The following GTF2IRD1 variants were observed in gnomAD, a reference collection of about 807,000 sequenced individuals.
GTF2IRD1 encodes the protein general transcription factor II-I repeat domain-containing protein 1.
In GTF2IRD1, 26 loss-of-function variants were observed where a neutral mutation model predicts 113.2. That is an observed-to-expected ratio of 0.23 (90% CI 0.17 to 0.32). GTF2IRD1 has a LOEUF of 0.32. Among genes scored for constraint, GTF2IRD1 ranks in the 10% least tolerant of loss-of-function variants. The pLI is 1.00. For synonymous variants in GTF2IRD1, 484 were observed against 529.1 expected (o/e 0.91, Z 1.17); for missense variants, 864 against 1,280.8 (o/e 0.67, Z 4.97).
chr7:74,500,226 G>A (rs560612318), intron 1 of GTF2IRD1, among the ~76,000 whole-genome samples: 6 of 152,220 alleles, frequency 3.9e-5, no homozygotes, highest in African/African-American at 1.2e-4. Context: ...TTCCCCTCCC[G>A]AGCCTTAGCC....
rs587647107 is a variant in GTF2IRD1, at chr7:74,576,558, A to G, written c.2321-13293A>G. Reference sequence around the variant, plus strand: ...CCTGGGCTACAAGAAAAAAAAAAAAAAAAGATGTCAGCAGGGCTGATCCTT... The same window carrying G: ...CCTGGGCTACAAGAAAAAAAAAAAAGAAAGATGTCAGCAGGGCTGATCCTT... On this transcript the variant is annotated intron_variant, in intron 22 of 26. Transcript: ENST00000424337. 2.3e-4 allele frequency among the ~76,000 whole-genome samples: 35 copies of G among 151,000 alleles called. No homozygotes were observed. The East Asian group carries it at 6.8e-3, about 29-fold the overall frequency.
chr7:74,598,864 G>T (rs1450160495), intron 25 of GTF2IRD1, among the ~76,000 whole-genome samples: 1 of 152,020 alleles, frequency 6.6e-6, no homozygotes, highest in African/African-American at 2.4e-5. Flanking sequence ...TCATAGCCTG[G>T]GCTCCTCCTG....
At chr7:74,463,934 G>C (rs1793552109) in intron 1 of GTF2IRD1, among the ~76,000 whole-genome samples, 1 of 152,000 alleles carries the variant, frequency 6.6e-6, no homozygotes, top group South Asian at 2.1e-4. Context: ...ATGTTGTCCA[G>C]GCTGGTTTCG....
intron 25 of GTF2IRD1, among the ~76,000 whole-genome samples, chr7:74,598,797 G>A (rs1365390686): frequency 6.6e-6 from 1 of 152,114 alleles, no homozygotes; most frequent in Non-Finnish European, 1.5e-5. Flanking sequence ...GAGACAGAGG[G>A]TGGGGCAGCC....
intron 16 of GTF2IRD1, among the ~76,000 whole-genome samples, chr7:74,546,767 C>T (rs1554353338): frequency 6.6e-6 from 1 of 152,100 alleles, no homozygotes; most frequent in African/African-American, 2.4e-5. Context: ...CTCGGGGAAG[C>T]AATGCCGAAT....
intron 1 of GTF2IRD1, chr7:74,507,809 C>CA (rs1796381550): frequency 2.5e-6 from 1 of 399,034 alleles, no homozygotes; most frequent in Non-Finnish European, 4.6e-6. Context: ...GCCTGTCCAA[C>CA]AGACTGGTCC....
rs1478828410 is a variant in GTF2IRD1 at position 74,602,537 on chromosome 7, A to G, written c.*104A>G. The G allele has an allele frequency of 3.9e-5, 35 of 902,196 alleles. No individual in the cohort carries two copies. In the East Asian group the frequency reaches 7.6e-4, roughly 20 times the overall value. The allele number at this position is 902,196 out of a possible 1,614,324, so 55.9% of individuals were successfully genotyped here. The stretch of plus-strand genomic sequence containing the variant: ...GTATCGATGCCTTTTAGTTTTTCCA[A>G]TGATTTTTACACTATATTCCTGCCA... On this transcript the variant is annotated 3_prime_UTR_variant, in exon 27 of 27. Coordinates refer to ENST00000424337, the MANE Select transcript of GTF2IRD1 (RefSeq NM_005685.4).
chr7:74,457,223 TGAG>T (rs1407730446), intron 1 of GTF2IRD1, among the ~76,000 whole-genome samples: 1 of 152,026 alleles, frequency 6.6e-6, no homozygotes, highest in Non-Finnish European at 1.5e-5. Context: ...CTCCTGGGCA[TGAG>T]GAGTCCTCCC....
chr7:74,461,390 A>G (rs1358742348), intron 1 of GTF2IRD1, among the ~76,000 whole-genome samples: 1 of 152,084 alleles, frequency 6.6e-6, no homozygotes, highest in Non-Finnish European at 1.5e-5. Flanking sequence ...GGGGTCTAGC[A>G]GGGTCTCAAG....
intron 1 of GTF2IRD1, among the ~76,000 whole-genome samples, chr7:74,458,911 G>C (rs113016546): frequency 0.01 from 1,400 of 138,184 alleles, 20 homozygotes; most frequent in African/African-American, 0.037. Context: ...GGCCCTCCTT[G>C]GCCTCCCAAA....
chr7:74,538,112 G>A (rs1798409326), intron 11 of GTF2IRD1, 24 bp from the exon 12 acceptor site: 1 of 1,611,476 alleles, frequency 6.2e-7, no homozygotes, highest in Non-Finnish European at 8.5e-7. Context: ...GCTGACAGGT[G>A]TCATTTCCTG....
chr7:74,502,715 TCTG>T (rs1796092931), intron 1 of GTF2IRD1, among the ~76,000 whole-genome samples: 3 of 152,276 alleles, frequency 2.0e-5, no homozygotes, highest in Admixed American at 6.5e-5. Context: ...GGCCGGCAAA[TCTG>T]CTGCTGTCTG....
At chr7:74,470,596 T>A (rs1794022884) in intron 1 of GTF2IRD1, among the ~76,000 whole-genome samples, 1 of 152,258 alleles carries the variant, frequency 6.6e-6, no homozygotes, top group Non-Finnish European at 1.5e-5. Flanking sequence ...ATAGTGGCTT[T>A]ATTCATAATT....
intron 1 of GTF2IRD1, among the ~76,000 whole-genome samples, chr7:74,489,673 A>T (rs1458347991): frequency 6.6e-6 from 1 of 152,124 alleles, no homozygotes; most frequent in Non-Finnish European, 1.5e-5. Flanking sequence ...GGGCAAGGAC[A>T]GCTCTCCTAG....
At chr7:74,600,875 G>T (rs983238605) in intron 25 of GTF2IRD1, 169 bp from the exon 26 acceptor site, 5 of 663,286 alleles carry the variant, frequency 7.5e-6, no homozygotes, top group African/African-American at 7.3e-5. Context: ...AAGGAGGCTG[G>T]ACATGTGGGC....
intron 1 of GTF2IRD1, among the ~76,000 whole-genome samples, chr7:74,480,625 G>T (rs950814851): frequency 1.3e-5 from 2 of 152,118 alleles, no homozygotes; most frequent in Non-Finnish European, 2.9e-5. Context: ...CAGGAGCCAG[G>T]CTCAGGCTTT....
rs1554356393 is a variant in GTF2IRD1, at chr7:74,555,257, G to A, written c.1966+34G>A. 4 of 1,603,646 alleles carry A rather than the reference G, an allele frequency of 2.5e-6. No individual in the cohort carries two copies. The highest frequency in any genetic ancestry group is 3.4e-6 in the Non-Finnish European group (4 of 1,172,130). Reference sequence around the variant, plus strand: ...CGCGGGGTCGGGAGCCATGGTGTGGGCGGGCAAGGGAGGGCCCCAGGCCTC... The same window carrying A: ...CGCGGGGTCGGGAGCCATGGTGTGGACGGGCAAGGGAGGGCCCCAGGCCTC... On this transcript the variant is annotated intron_variant, in intron 18 of 26. Coordinates refer to ENST00000424337, the MANE Select transcript of GTF2IRD1 (RefSeq NM_005685.4). This position sits in a 1 kb window ranked among gnomAD's most constrained non-coding sequence, Gnocchi z 5.3.
intron 1 of GTF2IRD1, among the ~76,000 whole-genome samples, chr7:74,474,437 C>G (rs1205546130): frequency 6.6e-6 from 1 of 152,106 alleles, no homozygotes; most frequent in African/African-American, 2.4e-5. Context: ...CATCTTGGTG[C>G]AAATATTTGT....
chr7:74,524,217 G>C (rs907867429), intron 8 of GTF2IRD1, 63 bp downstream of exon 8: 2 of 1,038,920 alleles, frequency 1.9e-6, no homozygotes, highest in Non-Finnish European at 2.8e-6. Flanking sequence ...TCATTACGTG[G>C]CAATCACTCG....
Sources: gnomAD v4.1 joint callset for allele counts (sites outside exome capture counted in the v4.1 genomes callset) on GRCh38, gnomAD v4.1.1 for gene constraint, Gnocchi (gnomAD v3.1) non-coding constraint, MANE v1.5 for transcripts, NCBI Gene and HGNC (gene_info 2026-07-23, HGNC 2026-07-21) for gene names.